GP9: variants seen among roughly 807,000 people sequenced by gnomAD.
The protein encoded by GP9 is platelet glycoprotein IX.
For missense variants in GP9, 228 were observed against 241.8 expected (o/e 0.94, Z 0.38); for synonymous variants, 116 against 116.7 (o/e 0.99, Z 0.04).
chr3:129,058,528 C>T (rs1484617821), upstream of GP9, among the ~76,000 whole-genome samples: 1 of 152,154 alleles, frequency 6.6e-6, no homozygotes, highest in Non-Finnish European at 1.5e-5. Flanking sequence ...CGAAAGCAAC[C>T]GCTAGTTGCC....
At chr3:129,058,053 G>A (rs1024062209), upstream of GP9, among the ~76,000 whole-genome samples, 8 of 151,916 alleles carry the variant, frequency 5.3e-5, no homozygotes, top group East Asian at 1.9e-4. Flanking sequence ...GGCTGGTCTC[G>A]AAACCCACTT....
chr3:129,056,554 T>A (rs960838132), upstream of GP9, among the ~76,000 whole-genome samples: 4 of 152,218 alleles, frequency 2.6e-5, no homozygotes. Context: ...GTTATTTGTG[T>A]CATAGGCATG....
the GP9 span, among the ~76,000 whole-genome samples, chr3:129,055,466 G>T: frequency 6.6e-6 from 1 of 152,170 alleles, no homozygotes; most frequent in Non-Finnish European, 1.5e-5. Context: ...GAGCTGAAGG[G>T]CCAGACAGCA....
At chr3:129,060,705 C>A (rs1342738883), upstream of GP9, 1 of 152,458 alleles carries the variant, frequency 6.6e-6, no homozygotes, top group African/African-American at 2.4e-5. Context: ...CAAGGCTGCA[C>A]TGGGGGGATA....
At chr3:129,061,421 C>CCCCTGCTA in intron 1 of GP9, 73 bp from the exon 2 acceptor site, 1 of 481,290 alleles carries the variant, frequency 2.1e-6, no homozygotes, top group Non-Finnish European at 3.8e-6. Context: ...CATCCCCAAG[C>CCCCTGCTA]AGGGGATGGG....
Position 129,062,354 on chromosome 3 carries a change from G to C in GP9, c.*81G>C. On this transcript the variant is annotated 3_prime_UTR_variant, in exon 3 of 3. Coordinates refer to ENST00000307395, the MANE Select transcript of GP9 (RefSeq NM_000174.5). Reference sequence around the variant, plus strand: ...CCCCAGACTCCACCAAGCCTGGTCAGCCCAAACCACCAGAAGCCCAGAATA... The same window carrying C: ...CCCCAGACTCCACCAAGCCTGGTCACCCCAAACCACCAGAAGCCCAGAATA... The C allele has an allele frequency of 1.0e-6, 1 of 967,420 alleles. No homozygotes were observed. Among genetic ancestry groups the C allele is most frequent in the East Asian group, 2.7e-5 (1 of 37,294 alleles). The allele number at this position is 967,420 out of a possible 1,614,324, so 59.9% of individuals were successfully genotyped here.
At chr3:129,059,540 C>G (rs943849105), upstream of GP9, among the ~76,000 whole-genome samples, 2 of 152,230 alleles carry the variant, frequency 1.3e-5, no homozygotes, top group Admixed American at 6.5e-5. Context: ...GGACCCCCAG[C>G]AGCAACCAGG....
upstream of GP9, among the ~76,000 whole-genome samples, chr3:129,057,821 A>C (rs79171715): frequency 0.085 from 12,475 of 146,958 alleles, 1,071 homozygotes; most frequent in East Asian, 0.41. Flanking sequence ...GCAGGATTAT[A>C]GGTTGCTTCT....
upstream of GP9, among the ~76,000 whole-genome samples, chr3:129,059,953 C>G (rs1479116360): frequency 6.6e-6 from 1 of 152,102 alleles, no homozygotes; most frequent in Non-Finnish European, 1.5e-5. Flanking sequence ...GTGTTTTTAC[C>G]CTGTTTTATT....
Position 129,061,817 on chromosome 3 carries a change from C to T in GP9, c.78C>T (p.Cys26=), listed in dbSNP as rs1167933530. 2.5e-6 allele frequency: 4 copies of T among 1,612,740 alleles called. No homozygotes were observed. The highest frequency in any genetic ancestry group is 2.7e-5 in the African/African-American group (2 of 74,926). The change falls in exon 3 of 3, where the codon TGC becomes TGT. Residue 26 remains cysteine (C), a synonymous_variant. Coordinates refer to ENST00000307395, the MANE Select transcript of GP9 (RefSeq NM_000174.5). ...AGGACTGCCCCAGCCCATGTACCTG[C>T]CGCGCCCTGGAAACCATGGGGCTGT... The part of the protein sequence containing the change: ...ATKDCPSPCT[C]RALETMGLWV...
the GP9 span, among the ~76,000 whole-genome samples, chr3:129,055,656 T>C: frequency 6.6e-6 from 1 of 151,784 alleles, no homozygotes; most frequent in Non-Finnish European, 1.5e-5. Context: ...TTCTTTTTTT[T>C]TTTTTTAAGA....
At chr3:129,059,479 C>T (rs1226776485), upstream of GP9, among the ~76,000 whole-genome samples, 1 of 152,214 alleles carries the variant, frequency 6.6e-6, no homozygotes, top group Non-Finnish European at 1.5e-5. Context: ...GGCTGAGGCT[C>T]CTCTCCATGG....
At chr3:129,060,074 T>C (rs1337992033), upstream of GP9, among the ~76,000 whole-genome samples, 2 of 152,184 alleles carry the variant, frequency 1.3e-5, no homozygotes, top group African/African-American at 4.8e-5. Flanking sequence ...CATCCCAAAA[T>C]ATATTTATCT....
rs1162672920 is a variant in GP9 at position 129,062,234 on chromosome 3, G to A, written c.495G>A (p.Leu165=). The change falls in exon 3 of 3, where the codon CTG becomes CTA. Residue 165 remains leucine, a synonymous_variant. Coordinates refer to ENST00000307395, the MANE Select transcript of GP9 (RefSeq NM_000174.5). The stretch of plus-strand genomic sequence containing the variant: ...TGGCCGCGCTGGGCCTGGCTCTTCT[G>A]GCTGGCCTGCTGTGTGCCACCACAG... ...VAVAALGLAL[L]AGLLCATTEA... 4 of 1,560,682 alleles carry A rather than the reference G, an allele frequency of 2.6e-6. No individual in the cohort carries two copies. Among genetic ancestry groups the A allele is most frequent in the Non-Finnish European group, 3.5e-6 (4 of 1,155,300 alleles).
chr3:129,061,337 C>T (rs538021366), intron 1 of GP9, among the ~76,000 whole-genome samples, 157 bp from the exon 2 acceptor site: 3 of 152,292 alleles, frequency 2.0e-5, no homozygotes, highest in African/African-American at 2.4e-5. Context: ...CTGCAGGGCC[C>T]TCCAAGGCTC....
At chr3:129,058,595 A>T (rs892384863), upstream of GP9, among the ~76,000 whole-genome samples, 1 of 152,230 alleles carries the variant, frequency 6.6e-6, no homozygotes, top group Admixed American at 6.5e-5. Context: ...TACAAATGCC[A>T]TGGCAGCACG....
In GP9 at chr3:129,062,263, C is replaced by G. The variant is rs760283361; in HGVS notation, c.524C>G (p.Ala175Gly). The stretch of plus-strand genomic sequence containing the variant: ...GGCCTGCTGTGTGCCACCACAGAGG[C>G]CCTGGATTGAGCCAGGCCCCCAGAA... ...LAGLLCATTE[A>G]LD The change falls in exon 3 of 3, where the codon GCC becomes GGC. Residue 175 changes from alanine to glycine, a missense_variant. Ala to Gly is a moderately conservative substitution (Grantham distance 60). Transcript: ENST00000307395. 4 of 1,550,390 alleles carry G rather than the reference C, an allele frequency of 2.6e-6. No individual in the cohort carries two copies. The highest frequency in any genetic ancestry group is 3.5e-6 in the Non-Finnish European group (4 of 1,148,274).
rs1229486833 is a variant in GP9, at chr3:129,062,315, TC to T, written c.*45del. ...CCCTGGCTCCAGGCCAGGGGGCCAG[TC>T]CCTGAGGCAGGTCCCCAGACTCCAC... On this transcript the variant is annotated 3_prime_UTR_variant, in exon 3 of 3. Transcript: ENST00000307395. 7.1e-7 allele frequency: 1 copy of T among 1,412,638 alleles called. No individual in the cohort carries two copies. The highest frequency in any genetic ancestry group is 1.3e-5 in the South Asian group (1 of 78,946). The allele number at this position is 1,412,638 out of a possible 1,614,324, so 87.5% of individuals were successfully genotyped here.
At chr3:129,056,701 G>A (rs1391671909), upstream of GP9, among the ~76,000 whole-genome samples, 1 of 152,212 alleles carries the variant, frequency 6.6e-6, no homozygotes, top group East Asian at 1.9e-4. Context: ...CTGGGTGAGT[G>A]CGTCGAGGAG....
Sources: gnomAD v4.1 joint callset for allele counts (sites outside exome capture counted in the v4.1 genomes callset) on GRCh38, gnomAD v4.1.1 for gene constraint, MANE v1.5 for transcripts, NCBI Gene and HGNC (gene_info 2026-07-23, HGNC 2026-07-21) for gene names.